DYNC1I1: variants seen among roughly 807,000 people sequenced by gnomAD.
DYNC1I1 encodes dynein cytoplasmic 1 intermediate chain 1.
A neutral mutation model predicts 86.6 loss-of-function variants in DYNC1I1; 43 were observed. That is an observed-to-expected ratio of 0.50 (90% CI 0.39 to 0.64). DYNC1I1 has a LOEUF of 0.64. Ranked by LOEUF, DYNC1I1 falls within the 30% of genes least tolerant of loss-of-function variation. The pLI, the probability that DYNC1I1 is intolerant of heterozygous loss-of-function variation, is 0.00. For missense variants in DYNC1I1, 604 were observed against 788.8 expected (o/e 0.77, Z 2.81); for synonymous variants, 262 against 283.7 (o/e 0.92, Z 0.77).
chr7:95,959,300 C>T (rs959565344), intron 6 of DYNC1I1, among the ~76,000 whole-genome samples: 3 of 152,220 alleles, frequency 2.0e-5, no homozygotes, highest in Admixed American at 1.3e-4. Context: ...CACAACAGGG[C>T]CTTTTAGCAA....
chr7:95,950,703 G>A (rs1216011827), intron 6 of DYNC1I1, among the ~76,000 whole-genome samples: 2 of 152,140 alleles, frequency 1.3e-5, no homozygotes, highest in African/African-American at 4.8e-5. Context: ...GAATTGGGAA[G>A]CAATGCTGTG....
In DYNC1I1 at chr7:95,804,856, G is replaced by A; in HGVS notation, c.108+19G>A. On this transcript the variant is annotated intron_variant, in intron 2 of 16. Coordinates refer to ENST00000447467, the MANE Select transcript of DYNC1I1 (RefSeq NM_001135556.2). ...GAAAGAGGTAAATCCTGGGTGTTGGGGTGTTGTGGGGGAAAAAGGAAAATC... is the reference window on the plus strand; with the variant it reads ...GAAAGAGGTAAATCCTGGGTGTTGGAGTGTTGTGGGGGAAAAAGGAAAATC... 6.5e-7 allele frequency: 1 copy of A among 1,539,380 alleles called. No homozygotes were observed. The highest frequency in any genetic ancestry group is 8.8e-7 in the Non-Finnish European group (1 of 1,142,750).
chr7:95,831,806 T>C (rs1245264143), intron 5 of DYNC1I1, among the ~76,000 whole-genome samples: 2 of 152,020 alleles, frequency 1.3e-5, no homozygotes, highest in African/African-American at 4.8e-5. Flanking sequence ...GAGATAAGTC[T>C]ATTTAGGGCC....
At chr7:96,053,921 G>A (rs111716922) in intron 14 of DYNC1I1, among the ~76,000 whole-genome samples, 1 of 152,040 alleles carries the variant, frequency 6.6e-6, no homozygotes, top group African/African-American at 2.4e-5. Flanking sequence ...CTGGTACTTT[G>A]TAAAGAATAG....
At chr7:95,974,226 GT>G (rs1448611210) in intron 6 of DYNC1I1, among the ~76,000 whole-genome samples, 2 of 151,850 alleles carry the variant, frequency 1.3e-5, no homozygotes, top group Admixed American at 6.6e-5. Flanking sequence ...TTTTTTATTT[GT>G]TTTTGGTTTC....
Position 96,097,886 on chromosome 7 carries a change from T to G in DYNC1I1, c.*293T>G. On this transcript the variant is annotated 3_prime_UTR_variant, in exon 17 of 17. Transcript: ENST00000447467. ...CTACTTTGTAGCTGTATTTAATAGC[T>G]GGAAACCTCTGGTTAAATTTGTGCT... The G allele has an allele frequency of 9.1e-7, 1 of 1,099,122 alleles. No homozygotes were observed. The highest frequency in any genetic ancestry group is 1.1e-6 in the Non-Finnish European group (1 of 898,098). 68.1% of individuals were successfully genotyped at this position (1,099,122 alleles called of 1,614,324 possible).
intron 1 of DYNC1I1, among the ~76,000 whole-genome samples, chr7:95,791,452 T>G (rs1794299803): frequency 6.6e-6 from 1 of 152,214 alleles, no homozygotes. Context: ...ATTTTAAAGA[T>G]CAGTCTGCCA....
chr7:95,867,469 C>T lies in DYNC1I1; in HGVS notation c.375-2414C>T, dbSNP rs145394171. Among the ~76,000 whole-genome samples, 311 of 152,280 alleles carry T rather than the reference C, an allele frequency of 2.0e-3. 1 individual carries two copies. Among genetic ancestry groups the T allele is most frequent in the African/African-American group, 7.0e-3 (290 of 41,558 alleles). On this transcript the variant is annotated intron_variant, in intron 5 of 16. Transcript: ENST00000447467. ...TGTATGTTCAAAGCAGAACTATGAA[C>T]CCAGTTTCAGAATGAGTGCATGACA...
chr7:95,857,364 T>A (rs530940568), intron 5 of DYNC1I1, among the ~76,000 whole-genome samples: 4 of 152,302 alleles, frequency 2.6e-5, no homozygotes, highest in African/African-American at 9.6e-5. Flanking sequence ...AGATCACCAA[T>A]AAAAGGAGTA....
intron 14 of DYNC1I1, among the ~76,000 whole-genome samples, chr7:96,046,093 T>A (rs566285358): frequency 1.4e-4 from 21 of 152,160 alleles, no homozygotes; most frequent in Non-Finnish European, 2.6e-4. Context: ...GCAGAAACTT[T>A]GTCGGAGTGG....
In DYNC1I1 at chr7:95,889,922, A is replaced by G. The variant is rs142055460; in HGVS notation, c.490+19924A>G. On this transcript the variant is annotated intron_variant, in intron 6 of 16. Transcript: ENST00000447467. ...GCATCTCACACCAATCAGAATGTCT[A>G]TTATTAAAAGGTCAAAAACTAACAG... Among the ~76,000 whole-genome samples the G allele has an allele frequency of 6.6e-5, 10 of 152,350 alleles. No homozygotes were observed. The East Asian group carries it at 1.7e-3, about 26-fold the overall frequency.
At chr7:95,857,231 A>G (rs1789749199) in intron 5 of DYNC1I1, among the ~76,000 whole-genome samples, 1 of 152,190 alleles carries the variant, frequency 6.6e-6, no homozygotes, top group Non-Finnish European at 1.5e-5. Context: ...TAGTTGCAGC[A>G]ATAGCTTGGA....
rs544417573 is a variant in DYNC1I1 at position 95,964,289 on chromosome 7, G to A, written c.491-13223G>A. ...TTTTCTAGAGAACAAGAATTCTAAA[G>A]AGATAGATAATTCCCACTTCAAAGA... On this transcript the variant is annotated intron_variant, in intron 6 of 16. Transcript: ENST00000447467. Among the ~76,000 whole-genome samples, 4 of 152,260 alleles carry A rather than the reference G, an allele frequency of 2.6e-5. No individual in the cohort carries two copies. The East Asian group carries it at 7.7e-4, about 29-fold the overall frequency.
intron 14 of DYNC1I1, among the ~76,000 whole-genome samples, chr7:96,072,200 G>A (rs902093754): frequency 5.3e-5 from 8 of 152,268 alleles, no homozygotes; most frequent in Admixed American, 2.0e-4. Context: ...CCGGTAGCCC[G>A]CTTCTCTGCT....
intron 6 of DYNC1I1, 107 bp downstream of exon 6, chr7:95,870,105 A>G (rs1477621476): frequency 1.0e-6 from 1 of 966,210 alleles, no homozygotes. Flanking sequence ...TTCATGGGAT[A>G]CAAACATAAT....
chr7:95,782,567 A>T (rs1794021235), intron 1 of DYNC1I1, among the ~76,000 whole-genome samples: 1 of 152,208 alleles, frequency 6.6e-6, no homozygotes, highest in Admixed American at 6.5e-5. Flanking sequence ...CCCCAGCCCC[A>T]TGGTAGCATC....
At chr7:95,961,977 A>G (rs939021452) in intron 6 of DYNC1I1, among the ~76,000 whole-genome samples, 1 of 152,066 alleles carries the variant, frequency 6.6e-6, no homozygotes, top group Non-Finnish European at 1.5e-5. Context: ...ACCCTCCTTC[A>G]TGATGTGCCC....
intron 1 of DYNC1I1, among the ~76,000 whole-genome samples, chr7:95,803,019 G>T (rs1428693955): frequency 6.6e-6 from 1 of 152,140 alleles, no homozygotes; most frequent in Non-Finnish European, 1.5e-5. Context: ...ATTTTGCTCT[G>T]CATTCCTCTG....
intron 4 of DYNC1I1, among the ~76,000 whole-genome samples, chr7:95,823,069 G>C (rs535230934): frequency 6.6e-6 from 1 of 152,284 alleles, no homozygotes; most frequent in Non-Finnish European, 1.5e-5. Flanking sequence ...AGAAGACTTT[G>C]TTAGGCTTAT....
Sources: gnomAD v4.1 joint callset for allele counts (sites outside exome capture counted in the v4.1 genomes callset) on GRCh38, gnomAD v4.1.1 for gene constraint, MANE v1.5 for transcripts, NCBI Gene and HGNC (gene_info 2026-07-23, HGNC 2026-07-21) for gene names.